OR11A1: variants seen among roughly 807,000 people sequenced by gnomAD.
The protein encoded by OR11A1 is olfactory receptor 11A1.
For synonymous variants in OR11A1, 158 were observed against 152.2 expected, an observed-to-expected ratio of 1.04 and a Z score of -0.28; for missense variants, 380 against 378.2, an observed-to-expected ratio of 1.00 and a Z score of -0.04.
chr6:29,442,750 T>C (rs1459172447), intron 1 of OR11A1, among the ~76,000 whole-genome samples: 2 of 152,368 alleles, frequency 1.3e-5, no homozygotes, highest in South Asian at 2.1e-4. Context: ...CAACTACTGC[T>C]CTTCAATTGA....
chr6:29,441,038 C>A, intron 1 of OR11A1: 1 of 912,936 alleles, frequency 1.1e-6, no homozygotes, highest in Non-Finnish European at 1.7e-6. Context: ...TAAGGTCTTT[C>A]TTCACATTAG....
intron 1 of OR11A1, among the ~76,000 whole-genome samples, chr6:29,455,646 C>G (rs183445523): frequency 2.0e-5 from 3 of 151,886 alleles, no homozygotes; most frequent in East Asian, 3.9e-4. Flanking sequence ...GAGGCCGAGG[C>G]GGGTGGATTG....
intron 2 of OR11A1, among the ~76,000 whole-genome samples, chr6:29,431,325 TCA>T (rs1324155100): frequency 6.6e-6 from 1 of 152,168 alleles, no homozygotes; most frequent in South Asian, 2.1e-4. Flanking sequence ...AAAAGTTAAT[TCA>T]GTTTGATTTT....
intron 1 of OR11A1, among the ~76,000 whole-genome samples, chr6:29,455,585 T>C (rs1013520351): frequency 1.3e-5 from 2 of 152,176 alleles, no homozygotes; most frequent in Non-Finnish European, 2.9e-5. Context: ...GATATGTTAA[T>C]TGGCTTGACC....
At position 29,427,327 on chromosome 6, in the gene OR11A1, G is replaced by A. The variant is rs16894899; in HGVS notation, c.315C>T (p.Phe105=). 9.6e-3 allele frequency: 15,438 copies of A among 1,613,056 alleles called. 327 individuals are homozygous for A. The highest frequency in any genetic ancestry group is 0.063 in the East Asian group (2,832 of 44,862). ...AGCATTCAGCTGTGGCTAGAGAGCCGAAGATAAAGAACTGGAGCAAGCAAC... is the reference window on the plus strand; with the variant it reads ...AGCATTCAGCTGTGGCTAGAGAGCCAAAGATAAAGAACTGGAGCAAGCAAC... The part of the protein sequence containing the change: ...VAGCLLQFFI[F]GSLATAECLL... Residue 105 remains phenylalanine (F), a synonymous_variant, in exon 5 of 5, where the codon TTC becomes TTT. Transcript: ENST00000377149.
rs1369315818 is a variant in OR11A1, at chr6:29,426,948, C to T, written c.694G>A (p.Gly232Arg). 6.2e-7 allele frequency: 1 copy of T among 1,613,050 alleles called. No individual in the cohort carries two copies. Among genetic ancestry groups the T allele is most frequent in the South Asian group, 1.1e-5 (1 of 91,078 alleles). The change falls in exon 5 of 5, where the codon GGG (glycine) becomes AGG (arginine). Residue 232 changes from glycine (G) to arginine (R), a missense_variant. Physicochemically the swap from Gly to Arg is moderately radical, Grantham distance 125 (BLOSUM62 -2). Transcript: ENST00000377149. ...GAGAAAGCCCTTCTCCTGCTTGCCC[C>T]AGCAGGAACTCTCAGCACTGCCACC... ...IVVAVLRVPA[G>R]ASRRRAFSTC...
chr6:29,432,909 T>C (rs932577200), intron 1 of OR11A1, among the ~76,000 whole-genome samples: 2 of 152,152 alleles, frequency 1.3e-5, no homozygotes, highest in Non-Finnish European at 2.9e-5. Context: ...TGCCACCCTA[T>C]TTTTTCTTGG....
intron 1 of OR11A1, chr6:29,440,057 C>G (rs775048330): frequency 6.2e-7 from 1 of 1,613,040 alleles, no homozygotes; most frequent in African/African-American, 1.3e-5. Context: ...TTCTTCTTCT[C>G]GGCTTCTCCC....
Position 29,431,866 on chromosome 6 carries a change from G to A in OR11A1, c.-267C>T, listed in dbSNP as rs1302250342. ...GAATTTTACAAAAATAAACGTACCC[G>A]AAATATCGACCCTGTTCTCTAAAGA... On this transcript the variant is annotated splice_region_variant and 5_prime_UTR_variant, in exon 2 of 5. Coordinates refer to ENST00000377149, the MANE Select transcript of OR11A1 (RefSeq NM_001394828.1). 7 of 985,174 alleles carry A rather than the reference G, an allele frequency of 7.1e-6. No individual in the cohort carries two copies. Among genetic ancestry groups the A allele is most frequent in the Admixed American group, 6.2e-5 (1 of 16,254 alleles). 61.0% of individuals were successfully genotyped at this position (985,174 alleles called of 1,614,324 possible). A position where few individuals can be genotyped will look rare whatever the true frequency, so the allele number is the denominator to read the frequency against.
rs563889643 is a variant in OR11A1, at chr6:29,453,561, C to A, written c.-389+3426G>T. ...TTTGGAACAAAGATAAAAACTCATG[C>A]CTAGGGTTTATGTCAGTAAAAGTAA... On this transcript the variant is annotated intron_variant, in intron 1 of 4. Transcript: ENST00000377149. The surrounding 1 kb of genome is among the most constrained non-coding windows in gnomAD (Gnocchi z 4.5). Among the ~76,000 whole-genome samples the A allele has an allele frequency of 6.6e-6, 1 of 152,032 alleles. No individual in the cohort carries two copies. The highest frequency in any genetic ancestry group is 1.5e-5 in the Non-Finnish European group (1 of 67,988).
intron 1 of OR11A1, among the ~76,000 whole-genome samples, chr6:29,446,406 C>G (rs990454961): frequency 6.6e-6 from 1 of 152,156 alleles, no homozygotes; most frequent in Admixed American, 6.5e-5. Flanking sequence ...ATAACCACCA[C>G]CTGGTTTGTG....
At chr6:29,456,658 A>G (rs1196231565) in intron 1 of OR11A1, among the ~76,000 whole-genome samples, 1 of 152,358 alleles carries the variant, frequency 6.6e-6, no homozygotes, top group East Asian at 1.9e-4. Context: ...AAAGACTTGT[A>G]CATGAAAGTT....
chr6:29,427,971 C>G (rs1176011692), intron 4 of OR11A1, among the ~76,000 whole-genome samples: 1 of 151,864 alleles, frequency 6.6e-6, no homozygotes, highest in Non-Finnish European at 1.5e-5. Flanking sequence ...GCATAATCAC[C>G]TCTATCATTC....
At chr6:29,432,284 G>A (rs1473484784) in intron 1 of OR11A1, among the ~76,000 whole-genome samples, 4 of 152,098 alleles carry the variant, frequency 2.6e-5, no homozygotes, top group East Asian at 1.9e-4. Flanking sequence ...GACCATAAAC[G>A]GAGCAGAAAC....
intron 1 of OR11A1, among the ~76,000 whole-genome samples, chr6:29,439,027 G>C (rs1783875879): frequency 6.6e-6 from 1 of 152,122 alleles, no homozygotes; most frequent in Admixed American, 6.5e-5. Flanking sequence ...GAATATGGCT[G>C]GAATATTGAA....
intron 1 of OR11A1, among the ~76,000 whole-genome samples, chr6:29,455,451 A>AT (rs1785984212): frequency 6.6e-6 from 1 of 152,196 alleles, no homozygotes; most frequent in Admixed American, 6.5e-5. Context: ...TGAGATTAAT[A>AT]AGTCTAGAGA....
At chr6:29,447,569 A>C (rs1784893636) in intron 1 of OR11A1, among the ~76,000 whole-genome samples, 1 of 152,244 alleles carries the variant, frequency 6.6e-6, no homozygotes, top group Non-Finnish European at 1.5e-5. Context: ...GGGTCTGGAA[A>C]TGAACTGAAG....
At chr6:29,429,525 C>T (rs758651559) in intron 3 of OR11A1, among the ~76,000 whole-genome samples, 13 of 152,016 alleles carry the variant, frequency 8.6e-5, no homozygotes, top group Non-Finnish European at 1.6e-4. Context: ...AATTGCAATA[C>T]GCCAAAAGAC....
intron 1 of OR11A1, chr6:29,440,007 G>A: frequency 6.2e-7 from 1 of 1,607,238 alleles, no homozygotes; most frequent in East Asian, 2.2e-5. Flanking sequence ...TCAAAGGTAT[G>A]CAGGCAGGAT....
Sources: gnomAD v4.1 joint callset for allele counts (sites outside exome capture counted in the v4.1 genomes callset) on GRCh38, gnomAD v4.1.1 for gene constraint, Gnocchi (gnomAD v3.1) non-coding constraint, MANE v1.5 for transcripts, NCBI Gene and HGNC (gene_info 2026-07-23, HGNC 2026-07-21) for gene names.